CLEC4A: variants seen among roughly 807,000 people sequenced by gnomAD.
The protein encoded by CLEC4A is C-type (calcium dependent, carbohydrate-recognition domain) lectin, superfamily member 6.
In CLEC4A, 27 loss-of-function variants were observed where a neutral mutation model predicts 32.7. The observed-to-expected ratio is 0.83, with a 90% CI of 0.61 to 1.14. CLEC4A has a LOEUF of 1.14. CLEC4A is among the 50% of genes most tolerant of loss of function. The pLI is 0.00. For missense variants in CLEC4A, 253 were observed against 274.6 expected, an observed-to-expected ratio of 0.92 and a Z score of 0.55; for synonymous variants, 89 against 93.7, an observed-to-expected ratio of 0.95 and a Z score of 0.29.
chr12:8,111,655 G>C, the CLEC4A span, among the ~76,000 whole-genome samples: 11 of 151,972 alleles, frequency 7.2e-5, no homozygotes, highest in African/African-American at 2.7e-4. Context: ...TTTATGTTTA[G>C]AGCTATTCAG....
chr12:8,118,394 A>G, the CLEC4A span, among the ~76,000 whole-genome samples: 1 of 30,168 alleles, frequency 3.3e-5, no homozygotes, highest in African/African-American at 4.1e-5. Flanking sequence ...TTGCACTGCT[A>G]TAAAAAAAAA....
At chr12:8,133,703 A>G in intron 3 of CLEC4A, 1 of 1,575,184 alleles carries the variant, frequency 6.3e-7, no homozygotes, top group Non-Finnish European at 8.6e-7. Flanking sequence ...GCCCTGGCAC[A>G]AACTCCAGGT....
upstream of CLEC4A, among the ~76,000 whole-genome samples, chr12:8,120,266 C>T (rs751239616): frequency 2.6e-5 from 4 of 152,156 alleles, no homozygotes; most frequent in African/African-American, 4.8e-5. Context: ...GGCTTCAATG[C>T]GCCAATCACA....
rs190770130 is a variant in CLEC4A at position 8,132,372 on chromosome 12, A to T, written c.298+3010A>T. 7.0e-4 allele frequency among the ~76,000 whole-genome samples: 106 copies of T among 152,314 alleles called. 1 individual carries two copies. In the East Asian group the frequency reaches 0.016, roughly 24 times the overall value. On this transcript the variant is annotated intron_variant, in intron 3 of 5. Coordinates refer to ENST00000229332, the MANE Select transcript of CLEC4A (RefSeq NM_016184.4). ...TTTTCATTCAGTTCAATGTATTTTT[A>T]AAAATTTCCCTTTAGACATCTCCTT... is the stretch of plus-strand genomic sequence containing the variant.
chr12:8,135,412 G>A (rs1282134131), intron 3 of CLEC4A, among the ~76,000 whole-genome samples, 173 bp from the exon 4 acceptor site: 1 of 152,090 alleles, frequency 6.6e-6, no homozygotes, highest in African/African-American at 2.4e-5. Flanking sequence ...CTGCCTGATT[G>A]AGGTAGACTT....
At chr12:8,121,315 G>A (rs568825142), upstream of CLEC4A, 3 of 152,226 alleles carry the variant, frequency 2.0e-5, no homozygotes, top group Non-Finnish European at 4.4e-5. Flanking sequence ...ATGTATACCT[G>A]TCTACGTGCA....
Position 8,138,235 on chromosome 12 carries a change from A to G in CLEC4A, c.662A>G (p.Asn221Ser), listed in dbSNP as rs1197431623. 6.2e-7 allele frequency: 1 copy of G among 1,614,112 alleles called. No homozygotes were observed. ...SPKRWGWNDV[N>S]CLGPQRSVCE... ...AAAAGATGGGGCTGGAATGATGTTA[A>G]TTGTCTTGGTCCTCAAAGGTCAGTT... The change falls in exon 6 of 6, where the codon AAT becomes AGT. Residue 221 changes from asparagine (N) to serine (S), a missense_variant. Transcript: ENST00000229332.
In CLEC4A at chr12:8,136,451, G is replaced by C. The variant is rs372040783; in HGVS notation, c.451-337G>C. On this transcript the variant is annotated intron_variant, in intron 4 of 5. Transcript: ENST00000229332. ...ATGGTGGCACACACCTGTAGTCCCA[G>C]CTACTGGGGAGGCTGAGGCATGAGA... Among the ~76,000 whole-genome samples the C allele has an allele frequency of 3.0e-4, 46 of 151,752 alleles. No individual in the cohort carries two copies. The East Asian group carries it at 4.3e-3, about 14-fold the overall frequency.
At chr12:8,132,255 T>G (rs1948011299) in intron 3 of CLEC4A, among the ~76,000 whole-genome samples, 1 of 152,192 alleles carries the variant, frequency 6.6e-6, no homozygotes, top group African/African-American at 2.4e-5. Flanking sequence ...ACATTTCATG[T>G]CCCTATCCTG....
chr12:8,127,779 A>G (rs1947927965), intron 2 of CLEC4A, among the ~76,000 whole-genome samples: 1 of 152,252 alleles, frequency 6.6e-6, no homozygotes, highest in Non-Finnish European at 1.5e-5. Context: ...GTTCTGGGAA[A>G]TAAGGGACCC....
the CLEC4A span, among the ~76,000 whole-genome samples, chr12:8,113,916 C>T: frequency 2.6e-5 from 4 of 152,192 alleles, no homozygotes; most frequent in Admixed American, 1.3e-4. Context: ...CCACTAGCTT[C>T]CTTCCATCAT....
At chr12:8,117,960 C>A in the CLEC4A span, among the ~76,000 whole-genome samples, 1 of 151,792 alleles carries the variant, frequency 6.6e-6, no homozygotes, top group Non-Finnish European at 1.5e-5. Flanking sequence ...TGCCCAGGAA[C>A]AAAACACAAA....
chr12:8,108,059 T>C, the CLEC4A span, among the ~76,000 whole-genome samples: 1 of 152,180 alleles, frequency 6.6e-6, no homozygotes, highest in Non-Finnish European at 1.5e-5. Context: ...CTGCTTTAGC[T>C]GTGTCCCAGA....
At chr12:8,121,017 T>C (rs2120554904), upstream of CLEC4A, 1 of 152,352 alleles carries the variant, frequency 6.6e-6, no homozygotes, top group South Asian at 2.1e-4. Flanking sequence ...AGCTATTCTG[T>C]GATCTCAGCT....
chr12:8,105,877 A>G, the CLEC4A span, among the ~76,000 whole-genome samples: 1 of 152,152 alleles, frequency 6.6e-6, no homozygotes, highest in Non-Finnish European at 1.5e-5. Flanking sequence ...GCTGTCCAGA[A>G]GCTCTTTAGT....
chr12:8,104,119 A>G, the CLEC4A span, among the ~76,000 whole-genome samples: 1 of 151,876 alleles, frequency 6.6e-6, no homozygotes, highest in African/African-American at 2.4e-5. Flanking sequence ...TCCTGGCTAC[A>G]TGACTTAAGT....
chr12:8,133,831 C>G (rs200565509), intron 3 of CLEC4A: 16 of 1,585,976 alleles, frequency 1.0e-5, no homozygotes, highest in African/African-American at 4.0e-5. Flanking sequence ...AGGCTTCCCC[C>G]TCAGGGAAAG....
chr12:8,118,151 A>G, the CLEC4A span, among the ~76,000 whole-genome samples: 1 of 152,200 alleles, frequency 6.6e-6, no homozygotes, highest in African/African-American at 2.4e-5. Context: ...CAATGAATCT[A>G]CATTTTACAT....
intron 3 of CLEC4A, among the ~76,000 whole-genome samples, chr12:8,130,682 T>C (rs999015047): frequency 6.6e-6 from 1 of 152,156 alleles, no homozygotes; most frequent in Admixed American, 6.5e-5. Context: ...GCCCGGCCAA[T>C]AGGTTATTTT....
Sources: allele counts gnomAD v4.1 joint callset (sites outside exome capture counted in the v4.1 genomes callset), GRCh38; gene constraint gnomAD v4.1.1; transcripts MANE v1.5; gene names NCBI Gene and HGNC (gene_info 2026-07-23, HGNC 2026-07-21).